Variants in ZFHX3 observed in about 807,000 individuals in gnomAD.
The protein encoded by ZFHX3 is zinc finger homeobox protein 3.
Under a neutral mutation model 279.1 loss-of-function variants are expected in ZFHX3, and 42 were observed. That is an observed-to-expected ratio of 0.15 (90% confidence interval 0.12 to 0.19). The LOEUF (loss-of-function observed/expected upper bound fraction) is 0.19. ZFHX3 is among the 10% of genes least tolerant of loss of function. ZFHX3 has a pLI of 1.00. For missense variants in ZFHX3, 4,981 were observed against 4,754.0 expected (o/e 1.05, Z -1.40); for synonymous variants, 2,293 against 1,957.8 (o/e 1.17, Z -4.52).
intron 7 of ZFHX3, among the ~76,000 whole-genome samples, chr16:72,801,645 T>G (rs1597249512): frequency 6.6e-6 from 1 of 152,192 alleles, no homozygotes; most frequent in East Asian, 1.9e-4. Flanking sequence ...GTGTGGCAGG[T>G]GAATGTGTGT....
At chr16:73,127,137 A>G (rs1035151119) in intron 7 of ZFHX3, 3 of 320,358 alleles carry the variant, frequency 9.4e-6, no homozygotes, top group Non-Finnish European at 1.8e-5. Context: ...GTAGGTGTTT[A>G]TCTCAAGTCA....
chr16:73,006,891 T>C lies in ZFHX3; in HGVS notation c.-50+40861A>G, dbSNP rs1258842212. 2.0e-5 allele frequency among the ~76,000 whole-genome samples: 3 copies of C among 152,332 alleles called. No individual in the cohort carries two copies. The South Asian group carries it at 6.2e-4, about 32-fold the overall frequency. On this transcript the variant is annotated intron_variant, in intron 1 of 9. Coordinates refer to ENST00000268489, the MANE Select transcript of ZFHX3 (RefSeq NM_006885.4). ...ATAACACCTAATGCAATGTAAATGC[T>C]ATATAAATATTTGTTAAACTGTATC...
chr16:73,125,675 A>T (rs932981449), intron 7 of ZFHX3, among the ~76,000 whole-genome samples: 1 of 152,016 alleles, frequency 6.6e-6, no homozygotes, highest in African/African-American at 2.4e-5. Context: ...CTGGACTCCA[A>T]ATTCTTCAGT....
intron 1 of ZFHX3, among the ~76,000 whole-genome samples, chr16:73,013,008 C>G (rs1283122390): frequency 1.3e-5 from 2 of 152,176 alleles, no homozygotes; most frequent in Admixed American, 6.5e-5. Flanking sequence ...TCCTGGACTG[C>G]CAAAGGCAGC....
chr16:73,012,273 G>A (rs1261200246), intron 1 of ZFHX3, among the ~76,000 whole-genome samples: 1 of 152,170 alleles, frequency 6.6e-6, no homozygotes, highest in African/African-American at 2.4e-5. Flanking sequence ...CAACCTCTGT[G>A]CTGGGAAGTG....
intron 3 of ZFHX3, among the ~76,000 whole-genome samples, chr16:72,913,345 G>A (rs539645219): frequency 6.6e-6 from 1 of 152,230 alleles, no homozygotes; most frequent in African/African-American, 2.4e-5. Flanking sequence ...CTCCTCCATC[G>A]CCTCCAATCT....
Position 72,796,360 on chromosome 16 carries a change from G to C in ZFHX3, c.6322C>G (p.Gln2108Glu). ...GGGGGTAGCTGAGCCGGCAAGGTCT[G>C]CAGCGGCATCGTCTGCATCATCAGC... ...SPLMMQTMPL[Q>E]TLPAQLPPQL... The change falls in exon 9 of 10, where the codon CAG becomes GAG. Residue 2108 changes from glutamine to glutamate, a missense_variant. Transcript: ENST00000268489. The C allele has an allele frequency of 6.2e-7, 1 of 1,613,938 alleles. No homozygotes were observed. Among genetic ancestry groups the C allele is most frequent in the Non-Finnish European group, 8.5e-7 (1 of 1,180,018 alleles).
At chr16:73,536,032 T>C (rs192530283) in intron 2 of ZFHX3, among the ~76,000 whole-genome samples, 265 of 152,200 alleles carry the variant, frequency 1.7e-3, no homozygotes, top group African/African-American at 6.2e-3. Context: ...AAGCCCCCCA[T>C]CTTTAATACA....
chr16:73,142,147 C>CT (rs1194268522), intron 6 of ZFHX3, among the ~76,000 whole-genome samples: 1 of 152,208 alleles, frequency 6.6e-6, no homozygotes, highest in Non-Finnish European at 1.5e-5. Context: ...TTACTTCCCC[C>CT]TCTGTTTCCT....
At chr16:72,858,280 G>A (rs2037802071) in intron 4 of ZFHX3, among the ~76,000 whole-genome samples, 1 of 152,198 alleles carries the variant, frequency 6.6e-6, no homozygotes, top group South Asian at 2.1e-4. Flanking sequence ...ACGAACAGAA[G>A]GTTAATATAA....
intron 1 of ZFHX3, among the ~76,000 whole-genome samples, chr16:73,688,741 T>G (rs1311703632): frequency 6.6e-6 from 1 of 152,160 alleles, no homozygotes; most frequent in Non-Finnish European, 1.5e-5. Flanking sequence ...GCAGCCCCCA[T>G]AATTCCCACA....
chr16:73,087,787 G>A (rs1164752317), intron 8 of ZFHX3, among the ~76,000 whole-genome samples: 3 of 151,886 alleles, frequency 2.0e-5, no homozygotes, highest in Non-Finnish European at 4.4e-5. Flanking sequence ...AATTGTAAGG[G>A]ACAAAGAAGT....
intron 2 of ZFHX3, among the ~76,000 whole-genome samples, chr16:73,511,515 C>T (rs1200844457): frequency 2.0e-5 from 3 of 152,182 alleles, no homozygotes; most frequent in Non-Finnish European, 4.4e-5. Flanking sequence ...GAAATGTGCA[C>T]AGCCTTAGGA....
At chr16:73,292,386 G>A (rs2014794716) in intron 4 of ZFHX3, among the ~76,000 whole-genome samples, 1 of 152,148 alleles carries the variant, frequency 6.6e-6, no homozygotes, top group Admixed American at 6.5e-5. Flanking sequence ...ACTCCAGGGT[G>A]ATGGCCCATG....
intron 3 of ZFHX3, among the ~76,000 whole-genome samples, chr16:73,383,083 C>T (rs1375308693): frequency 6.6e-6 from 1 of 152,228 alleles, no homozygotes; most frequent in African/African-American, 2.4e-5. Context: ...TCTCCACATC[C>T]CCACATGGGG....
chr16:73,453,024 C>T (rs1214897564), intron 3 of ZFHX3, among the ~76,000 whole-genome samples: 1 of 152,060 alleles, frequency 6.6e-6, no homozygotes, highest in Non-Finnish European at 1.5e-5. Context: ...GTCTACTTAC[C>T]TACCTACAAA....
At position 73,697,601 on chromosome 16, in the gene ZFHX3, A is replaced by G. The variant is rs368142081; in HGVS notation, c.-1607-17361T>C. ...GTGAGGAAGTTCTTGTTTTTGTTTC[A>G]TATACCCAAGAATCAAGACTTGGCT... On this transcript the variant is annotated intron_variant, in intron 1 of 17. Transcript: ENST00000641206. 3.9e-5 allele frequency among the ~76,000 whole-genome samples: 6 copies of G among 152,298 alleles called. No individual in the cohort carries two copies. In the East Asian group the frequency reaches 1.2e-3, roughly 29 times the overall value.
At chr16:73,350,125 T>C (rs980922584) in intron 3 of ZFHX3, among the ~76,000 whole-genome samples, 3 of 151,994 alleles carry the variant, frequency 2.0e-5, no homozygotes, top group Non-Finnish European at 4.4e-5. Context: ...GGATGCTGAG[T>C]CTTCATCAGC....
chr16:73,492,575 G>C (rs1010488470), intron 2 of ZFHX3, among the ~76,000 whole-genome samples: 1 of 152,116 alleles, frequency 6.6e-6, no homozygotes, highest in African/African-American at 2.4e-5. Context: ...TAACGCATGG[G>C]ATGCACCTTA....
Sources: allele counts gnomAD v4.1 joint callset (sites outside exome capture counted in the v4.1 genomes callset), GRCh38; gene constraint gnomAD v4.1.1; transcripts MANE v1.5; gene names NCBI Gene and HGNC (gene_info 2026-07-23, HGNC 2026-07-21).